The following CAB39L variants were observed in gnomAD, a reference collection of about 807,000 sequenced individuals.
CAB39L encodes the protein calcium binding protein 39 like, also known as calcium-binding protein 39-like.
Under a neutral mutation model 39.1 loss-of-function variants are expected in CAB39L, and 23 were observed. The observed-to-expected ratio is 0.59, with a 90% CI of 0.42 to 0.83. The LOEUF is 0.83. CAB39L is among the 40% of genes least tolerant of loss of function. The probability of loss-of-function intolerance (pLI) is 0.00; values close to 1 mark genes in which losing one functional copy is unlikely to be tolerated. For synonymous variants in CAB39L, 126 were observed against 137.2 expected (o/e 0.92, Z 0.57); for missense variants, 366 against 391.9 (o/e 0.93, Z 0.56).
At chr13:49,363,072 A>G (rs1192211112) in intron 5 of CAB39L, among the ~76,000 whole-genome samples, 1 of 152,200 alleles carries the variant, frequency 6.6e-6, no homozygotes, top group African/African-American at 2.4e-5. Context: ...TCAATACTAG[A>G]CCCATCCTAC....
At chr13:49,405,286 G>T (rs1206001295) in intron 3 of CAB39L, among the ~76,000 whole-genome samples, 1 of 150,692 alleles carries the variant, frequency 6.6e-6, no homozygotes, top group East Asian at 1.9e-4. Flanking sequence ...ATATTTGAAG[G>T]TCTGAAAGAA....
intron 5 of CAB39L, among the ~76,000 whole-genome samples, chr13:49,369,590 ATTT>A (rs34632855): frequency 6.8e-6 from 1 of 146,764 alleles, no homozygotes. Context: ...GGCAAAGGAG[ATTT>A]TTTTTTTTTT....
At chr13:49,419,953 G>A (rs912809512) in intron 3 of CAB39L, among the ~76,000 whole-genome samples, 2 of 152,118 alleles carry the variant, frequency 1.3e-5, no homozygotes, top group African/African-American at 2.4e-5. Flanking sequence ...TCAATAAACA[G>A]TAAATAGGAT....
At chr13:49,363,551 C>T (rs1955688190) in intron 5 of CAB39L, among the ~76,000 whole-genome samples, 1 of 151,810 alleles carries the variant, frequency 6.6e-6, no homozygotes, top group South Asian at 2.1e-4. Flanking sequence ...GAGAAAATCA[C>T]ATTCATTAAA....
Position 49,434,177 on chromosome 13 carries a change from A to G in CAB39L, c.-199T>C. On this transcript the variant is annotated 5_prime_UTR_variant, in exon 2 of 11. Transcript: ENST00000409308. The stretch of plus-strand genomic sequence containing the variant: ...CTTTACGTTCTGAACAGCAACTTAG[A>G]ACACTTTGCTCCTGATATTCTTTCT... The G allele has an allele frequency of 2.2e-6, 1 of 456,514 alleles. No individual in the cohort carries two copies. The highest frequency in any genetic ancestry group is 1.6e-5 in the South Asian group (1 of 64,438). 28.3% of individuals were successfully genotyped at this position (456,514 alleles called of 1,614,324 possible). A position where few individuals can be genotyped will look rare whatever the true frequency, so the allele number is the denominator to read the frequency against.
At chr13:49,326,116 G>T (rs1285298808) in intron 10 of CAB39L, among the ~76,000 whole-genome samples, 1 of 152,174 alleles carries the variant, frequency 6.6e-6, no homozygotes, top group Non-Finnish European at 1.5e-5. Context: ...AAACGACACA[G>T]ACCATTTTCT....
rs1555268268 is a variant in CAB39L, at chr13:49,441,226, T to TATATATATATA, written c.-246+2749_-246+2759dup. Among the ~76,000 whole-genome samples the TATATATATATA allele has an allele frequency of 1.5e-3, 169 of 112,798 alleles. 1 individual carries two copies. The highest frequency in any genetic ancestry group is 7.6e-3 in the African/African-American group (161 of 21,212). 74.0% of individuals were successfully genotyped at this position (112,798 alleles called of 152,430 possible). On this transcript the variant is annotated intron_variant, in intron 1 of 10. Transcript: ENST00000409308. ...TTTTCTTATAATGATTTAGTGTATA[T>TATATATATATA]ATATATATATATATATATTCCCTTT...
chr13:49,443,869 T>G (rs1179767217), intron 1 of CAB39L, 117 bp downstream of exon 1: 1 of 452,704 alleles, frequency 2.2e-6, no homozygotes. Context: ...CCCTTAGGCC[T>G]CTCCTTTACC....
At chr13:49,351,747 G>A (rs1464873595) in intron 6 of CAB39L, among the ~76,000 whole-genome samples, 1 of 152,204 alleles carries the variant, frequency 6.6e-6, no homozygotes, top group Non-Finnish European at 1.5e-5. Context: ...ACAGAGGACT[G>A]TGGGCAGGTG....
In CAB39L at chr13:49,348,875, G is replaced by C. The variant is rs77886721; in HGVS notation, c.564+1869C>G. On this transcript the variant is annotated intron_variant, in intron 7 of 10. Coordinates refer to ENST00000409308, the MANE Select transcript of CAB39L (RefSeq NM_001079670.3). ...CTCCATCACAACAAATCTCTCTGAC[G>C]GCCCAGCCTGCAGGCTCCGCCTCCA... Among the ~76,000 whole-genome samples the C allele has an allele frequency of 9.4e-3, 1,427 of 152,152 alleles. 9 individuals are homozygous for C. The highest frequency in any genetic ancestry group is 0.042 in the South Asian group (203 of 4,820).
intron 3 of CAB39L, among the ~76,000 whole-genome samples, chr13:49,419,645 T>G (rs1307149824): frequency 6.6e-6 from 1 of 152,146 alleles, no homozygotes; most frequent in Non-Finnish European, 1.5e-5. Context: ...TGAATCACAG[T>G]TTTCAAATTC....
Position 49,310,446 on chromosome 13 carries a change from C to T in CAB39L, c.*368G>A, listed in dbSNP as rs1292962603. On this transcript the variant is annotated 3_prime_UTR_variant, in exon 11 of 11. Transcript: ENST00000409308. ...TGGGCAAAGCATTTTTGCACCCTGG[C>T]CCCATTCCCAGTTCTCCCCTGAGAA... The T allele has an allele frequency of 2.2e-5, 4 of 182,622 alleles. No homozygotes were observed. Among genetic ancestry groups the T allele is most frequent in the Non-Finnish European group, 4.6e-5 (4 of 86,856 alleles). The allele number at this position is 182,622 out of a possible 1,614,324, so 11.3% of individuals were successfully genotyped here.
At chr13:49,329,298 A>C (rs1387704309) in intron 10 of CAB39L, among the ~76,000 whole-genome samples, 1 of 152,092 alleles carries the variant, frequency 6.6e-6, no homozygotes, top group South Asian at 2.1e-4. Flanking sequence ...CACAAATTTT[A>C]GAATCAGCTT....
chr13:49,432,372 G>A (rs185339127), intron 3 of CAB39L, among the ~76,000 whole-genome samples: 8 of 152,276 alleles, frequency 5.3e-5, no homozygotes, highest in African/African-American at 1.9e-4. Flanking sequence ...CCGGGCTCAA[G>A]CGATCCTCTT....
intron 3 of CAB39L, among the ~76,000 whole-genome samples, chr13:49,424,229 A>T (rs554948097): frequency 2.5e-4 from 38 of 152,208 alleles, no homozygotes; most frequent in Non-Finnish European, 5.0e-4. Context: ...CACCCTAGTG[A>T]TCAAGGTCAA....
chr13:49,400,000 A>C (rs1164051443), intron 3 of CAB39L, among the ~76,000 whole-genome samples: 1 of 152,080 alleles, frequency 6.6e-6, no homozygotes, highest in Admixed American at 6.5e-5. Flanking sequence ...CCACAAAACA[A>C]AACCTGTTTT....
chr13:49,383,058 G>GC, intron 3 of CAB39L, 117 bp from the exon 4 acceptor site: 2 of 443,280 alleles, frequency 4.5e-6, no homozygotes, highest in South Asian at 3.9e-5. Flanking sequence ...AACATTAAAA[G>GC]TGATCAAATT....
intron 3 of CAB39L, among the ~76,000 whole-genome samples, chr13:49,391,604 A>C (rs960455550): frequency 3.9e-5 from 6 of 152,210 alleles, no homozygotes; most frequent in Admixed American, 6.5e-5. Context: ...AATAAAATTT[A>C]TATGGGTTTG....
At chr13:49,421,041 T>C (rs1269449343) in intron 3 of CAB39L, among the ~76,000 whole-genome samples, 1 of 152,104 alleles carries the variant, frequency 6.6e-6, no homozygotes, top group Non-Finnish European at 1.5e-5. Flanking sequence ...TTCTGAAAGG[T>C]GGAGAGACGA....
Sources: gnomAD v4.1 joint callset for allele counts (sites outside exome capture counted in the v4.1 genomes callset) on GRCh38, gnomAD v4.1.1 for gene constraint, MANE v1.5 for transcripts, NCBI Gene and HGNC (gene_info 2026-07-23, HGNC 2026-07-21) for gene names.